Variants in KAZN observed in about 807,000 individuals in gnomAD.
The protein encoded by KAZN is kazrin.
Under a neutral mutation model 87.4 loss-of-function variants are expected in KAZN, and 40 were observed. That is an observed-to-expected ratio of 0.46 (90% CI 0.36 to 0.60). The LOEUF is 0.60. KAZN is among the 20% of genes least tolerant of loss of function. The probability of loss-of-function intolerance (pLI) is 0.00; values close to 1 mark genes in which losing one functional copy is unlikely to be tolerated. For synonymous variants in KAZN, 466 were observed against 458.3 expected (o/e 1.02, Z -0.22); for missense variants, 898 against 1,073.9 (o/e 0.84, Z 2.29).
chr1:14,919,344 C>CT (rs1448040418), intron 1 of KAZN, among the ~76,000 whole-genome samples: 1 of 152,184 alleles, frequency 6.6e-6, no homozygotes, highest in African/African-American at 2.4e-5. Context: ...ACCTGGCTCA[C>CT]TTTTGTATTT....
intron 1 of KAZN, among the ~76,000 whole-genome samples, chr1:13,910,838 A>G (rs1388462592): frequency 6.6e-6 from 1 of 152,148 alleles, no homozygotes; most frequent in Non-Finnish European, 1.5e-5. Context: ...TTGCACTGCT[A>G]TAAAGAAATA....
rs922850330 is a variant in KAZN, at chr1:15,011,054, A to C, written c.419-23695A>C. On this transcript the variant is annotated intron_variant, in intron 2 of 14. Transcript: ENST00000376030. ...TTAGAAAAGTCAGATAACCCAAATGATGTGTTCACCAAGATAGCCAAGGGT... is the reference window on the plus strand; with the variant it reads ...TTAGAAAAGTCAGATAACCCAAATGCTGTGTTCACCAAGATAGCCAAGGGT... 3.9e-5 allele frequency among the ~76,000 whole-genome samples: 6 copies of C among 152,214 alleles called. No individual in the cohort carries two copies. In the East Asian group the frequency reaches 1.2e-3, roughly 29 times the overall value.
rs575401798 is a variant in KAZN, at chr1:14,419,296, G to A, written c.250-179687G>A. On this transcript the variant is annotated intron_variant, in intron 2 of 16. Coordinates refer to the KAZN transcript ENST00000636203. The stretch of plus-strand genomic sequence containing the variant: ...TTTCCCAAAGTCATAAAGCGCAAAA[G>A]AAAGAAAGGCCGGGTCTGACCCCTA... Among the ~76,000 whole-genome samples the A allele has an allele frequency of 4.7e-3, 707 of 151,956 alleles. 4 individuals carry two copies. The highest frequency in any genetic ancestry group is 7.8e-3 in the Non-Finnish European group (527 of 67,776).
At chr1:14,080,411 CT>C (rs1164315905) in intron 1 of KAZN, among the ~76,000 whole-genome samples, 1 of 145,614 alleles carries the variant, frequency 6.9e-6, no homozygotes, top group African/African-American at 2.5e-5. Flanking sequence ...GTGGATTCCT[CT>C]GGTGCTGTAA....
intron 1 of KAZN, among the ~76,000 whole-genome samples, chr1:13,898,030 C>T (rs765817658): frequency 2.6e-5 from 4 of 152,200 alleles, no homozygotes; most frequent in Non-Finnish European, 4.4e-5. Flanking sequence ...GCTGTCCATT[C>T]GTGCTGCCTG....
intron 2 of KAZN, among the ~76,000 whole-genome samples, chr1:14,539,870 G>C (rs3933358): frequency 0.96 from 146,430 of 152,218 alleles, 70,692 homozygotes; most frequent in East Asian, 1. Context: ...TTTTTCAAGG[G>C]AAAGTCACCA....
chr1:14,793,370 C>T (rs918160092), intron 1 of KAZN, among the ~76,000 whole-genome samples: 14 of 152,096 alleles, frequency 9.2e-5, no homozygotes, highest in African/African-American at 2.7e-4. Context: ...CCTTGTGCTT[C>T]GTGGCTGACT....
chr1:14,532,455 TTTATTA>T (rs58279675), intron 2 of KAZN, among the ~76,000 whole-genome samples: 67,490 of 148,094 alleles, frequency 0.46, 15,648 homozygotes, highest in Middle Eastern at 0.54. Flanking sequence ...AACATGTGTT[TTTATTA>T]TTATTATTAT....
chr1:14,354,454 A>T (rs1245158388), intron 2 of KAZN, among the ~76,000 whole-genome samples: 1 of 152,234 alleles, frequency 6.6e-6, no homozygotes, highest in African/African-American at 2.4e-5. Flanking sequence ...AAAAATGCTT[A>T]TAATTCAGTA....
chr1:15,112,371 GTGTC>G, intron 13 of KAZN, 52 bp from the exon 14 acceptor site: 2 of 762,758 alleles, frequency 2.6e-6, no homozygotes, highest in Non-Finnish European at 2.3e-6. Context: ...GTGTGTGTGT[GTGTC>G]TGGGGAGCTG....
intron 8 of KAZN, among the ~76,000 whole-genome samples, chr1:15,069,490 G>C (rs757964137): frequency 6.6e-6 from 1 of 152,130 alleles, no homozygotes; most frequent in African/African-American, 2.4e-5. Context: ...AAAAGCCACC[G>C]TACCTCCTTT....
At chr1:14,908,955 C>G (rs1045929688) in intron 1 of KAZN, among the ~76,000 whole-genome samples, 11 of 152,072 alleles carry the variant, frequency 7.2e-5, no homozygotes, top group Non-Finnish European at 1.6e-4. Flanking sequence ...TGCATTCCAG[C>G]CTGGGTGACA....
Position 14,281,152 on chromosome 1 carries a change from C to A in KAZN, c.249+100560C>A, listed in dbSNP as rs1033613246. 2.0e-5 allele frequency among the ~76,000 whole-genome samples: 3 copies of A among 152,304 alleles called. No homozygotes were observed. In the East Asian group the frequency reaches 5.8e-4, roughly 29 times the overall value. On this transcript the variant is annotated intron_variant, in intron 2 of 16. Transcript: ENST00000636203. ...CCATGTCAAGAGGCCTCCCGTCTTG[C>A]TTGGTTTCCTTTGATCTAGTTGGTC...
intron 1 of KAZN, among the ~76,000 whole-genome samples, chr1:13,982,566 C>G (rs968497491): frequency 1.3e-5 from 2 of 152,196 alleles, no homozygotes; most frequent in Admixed American, 1.3e-4. Context: ...ACTGCTGGCT[C>G]GGGCAGCCTG....
chr1:14,945,582 G>C (rs1002818331), intron 1 of KAZN, among the ~76,000 whole-genome samples: 11 of 152,288 alleles, frequency 7.2e-5, no homozygotes, highest in African/African-American at 2.4e-4. Context: ...CCCGGCTCCA[G>C]CTCCGGTGGG....
chr1:13,932,450 C>T (rs960812477), intron 1 of KAZN, among the ~76,000 whole-genome samples: 30 of 151,842 alleles, frequency 2.0e-4, no homozygotes, highest in African/African-American at 7.2e-4. Context: ...TTAGTAGAGA[C>T]GGGGTTTCAC....
chr1:14,840,629 C>T lies in KAZN; in HGVS notation c.227-120055C>T, dbSNP rs566297277. Among the ~76,000 whole-genome samples, 11 of 152,308 alleles carry T rather than the reference C, an allele frequency of 7.2e-5. No individual in the cohort carries two copies. In the South Asian group the frequency reaches 2.1e-3, roughly 29 times the overall value. On this transcript the variant is annotated intron_variant, in intron 1 of 14. Coordinates refer to ENST00000376030, the MANE Select transcript of KAZN (RefSeq NM_201628.3). ...GGGCTGCCATTTGGCGATAAGCTGC[C>T]CTCAGAAGTCCAACACTCATCCAGG...
At chr1:14,672,095 C>A (rs1027719071) in intron 1 of KAZN, among the ~76,000 whole-genome samples, 2 of 151,882 alleles carry the variant, frequency 1.3e-5, no homozygotes, top group African/African-American at 4.8e-5. Context: ...GGAGATGTGT[C>A]ATCCCTACAG....
chr1:14,377,819 C>A (rs1661036598), intron 2 of KAZN, among the ~76,000 whole-genome samples: 1 of 152,174 alleles, frequency 6.6e-6, no homozygotes, highest in Admixed American at 6.5e-5. Flanking sequence ...CCAGCTCATT[C>A]TTTGTGCTCG....
Sources: allele counts gnomAD v4.1 joint callset (sites outside exome capture counted in the v4.1 genomes callset), GRCh38; gene constraint gnomAD v4.1.1; transcripts MANE v1.5; gene names NCBI Gene and HGNC (gene_info 2026-07-23, HGNC 2026-07-21).